GMCL1: variants seen among roughly 807,000 people sequenced by gnomAD.
GMCL1 encodes the protein germ cell-less protein-like 1.
GMCL1 carries 54 observed loss-of-function variants against 75.5 expected under a neutral mutation model. The ratio of observed to expected loss-of-function variants is 0.71; its 90% CI spans 0.57 to 0.90. The LOEUF is 0.90. GMCL1 is among the 40% of genes least tolerant of loss of function. The pLI is 0.00. For synonymous variants in GMCL1, 210 were observed against 209.6 expected (o/e 1.00, Z -0.02); for missense variants, 537 against 622.7 (o/e 0.86, Z 1.47).
At chr2:69,857,786 T>C (rs1359984312) in intron 9 of GMCL1, among the ~76,000 whole-genome samples, 1 of 152,210 alleles carries the variant, frequency 6.6e-6, no homozygotes, top group Admixed American at 6.5e-5. Flanking sequence ...TCATAAGTTG[T>C]TCAACTTGTA....
At chr2:69,851,482 C>T (rs561388376) in intron 8 of GMCL1, among the ~76,000 whole-genome samples, 93 of 152,104 alleles carry the variant, frequency 6.1e-4, no homozygotes, top group African/African-American at 2.1e-3. Flanking sequence ...TGGTGGTGGT[C>T]GCCTATAATC....
At chr2:69,864,590 C>CTTTTTTTTTTTTTTTTT (rs534389389) in intron 10 of GMCL1, among the ~76,000 whole-genome samples, 1 of 88,360 alleles carries the variant, frequency 1.1e-5, no homozygotes, top group Non-Finnish European at 2.2e-5. Context: ...TAGACTTTTA[C>CTTTTTTTTTTTTTTTTT]TTTTTTTTTT....
intron 4 of GMCL1, among the ~76,000 whole-genome samples, 180 bp downstream of exon 4, chr2:69,841,219 C>A (rs1484379273): frequency 1.3e-5 from 2 of 152,040 alleles, no homozygotes; most frequent in African/African-American, 4.8e-5. Flanking sequence ...TTTATTACAA[C>A]CGAGGGAGTC....
At chr2:69,863,879 T>C (rs1392368752) in intron 10 of GMCL1, among the ~76,000 whole-genome samples, 1 of 152,170 alleles carries the variant, frequency 6.6e-6, no homozygotes, top group Non-Finnish European at 1.5e-5. Flanking sequence ...TTTTCTGTTA[T>C]GCTCCAGTTC....
intron 8 of GMCL1, among the ~76,000 whole-genome samples, chr2:69,853,907 A>G (rs898348862): frequency 1.3e-5 from 2 of 151,778 alleles, no homozygotes; most frequent in Non-Finnish European, 2.9e-5. Flanking sequence ...GGTTTAAGCA[A>G]TTCTCTGCCT....
chr2:69,841,510 A>G (rs13020991), intron 4 of GMCL1, among the ~76,000 whole-genome samples: 34,877 of 152,136 alleles, frequency 0.23, 4,344 homozygotes, highest in East Asian at 0.39. Flanking sequence ...ATTGAAGAGA[A>G]GTGTGTTGAG....
At chr2:69,852,089 G>T (rs957851376) in intron 8 of GMCL1, among the ~76,000 whole-genome samples, 1 of 152,198 alleles carries the variant, frequency 6.6e-6, no homozygotes, top group East Asian at 1.9e-4. Context: ...TTAAATAGAA[G>T]AGAGAGAAAA....
intron 1 of GMCL1, among the ~76,000 whole-genome samples, chr2:69,835,420 G>A (rs1253057943): frequency 1.3e-5 from 2 of 151,632 alleles, no homozygotes; most frequent in Middle Eastern, 3.2e-3. Context: ...TCCAGGGGTG[G>A]AGGGAGTCTC....
At chr2:69,833,352 C>T (rs557976205) in intron 1 of GMCL1, among the ~76,000 whole-genome samples, 2 of 152,268 alleles carry the variant, frequency 1.3e-5, no homozygotes, top group African/African-American at 2.4e-5. Flanking sequence ...TGGTGGCTCA[C>T]GCCTGTAATC....
chr2:69,859,144 CAA>C (rs571712437), intron 9 of GMCL1, among the ~76,000 whole-genome samples: 12 of 62,646 alleles, frequency 1.9e-4, no homozygotes, highest in African/African-American at 1.8e-4. Flanking sequence ...GACTCTGTCT[CAA>C]AAAAAAAAAA....
intron 10 of GMCL1, among the ~76,000 whole-genome samples, chr2:69,863,786 C>T (rs1211861221): frequency 2.0e-5 from 3 of 152,194 alleles, no homozygotes; most frequent in Admixed American, 6.5e-5. Context: ...AGCTTCCTCT[C>T]CTTTCATGTT....
intron 10 of GMCL1, 60 bp from the exon 11 acceptor site, chr2:69,864,840 C>A (rs1414511452): frequency 2.7e-6 from 3 of 1,119,896 alleles, no homozygotes; most frequent in African/African-American, 3.2e-5. Flanking sequence ...ACTCATAGTT[C>A]TTTTTTAATT....
In GMCL1 at chr2:69,869,983, T is replaced by C. The variant is rs537186019; in HGVS notation, c.1364+119T>C. The C allele has an allele frequency of 1.7e-5, 16 of 950,864 alleles. No individual in the cohort carries two copies. In the East Asian group the frequency reaches 3.2e-4, roughly 19 times the overall value. The allele number at this position is 950,864 out of a possible 1,614,324, so 58.9% of individuals were successfully genotyped here. On this transcript the variant is annotated intron_variant, in intron 12 of 13. Transcript: ENST00000282570. ...TGGTAAGCTACAGTATATGTGGAAG[T>C]GGTAGGAAATGACGAGGCTCCATTC...
chr2:69,847,043 G>A (rs1573351458), intron 6 of GMCL1, among the ~76,000 whole-genome samples: 4 of 128,150 alleles, frequency 3.1e-5, no homozygotes, highest in Admixed American at 2.7e-4. Context: ...TCACCATGTT[G>A]TCCAGGCTGG....
chr2:69,842,829 A>G (rs917116225), intron 4 of GMCL1: 2 of 166,284 alleles, frequency 1.2e-5, no homozygotes, highest in Admixed American at 6.3e-5. Flanking sequence ...AAATGCTGCT[A>G]AAGAAATTTG....
chr2:69,861,224 C>T (rs1371010213), intron 9 of GMCL1, 54 bp from the exon 10 acceptor site: 1 of 1,236,514 alleles, frequency 8.1e-7, no homozygotes, highest in South Asian at 1.3e-5. Context: ...ATGTTTAAAT[C>T]CTTTATGTTC....
chr2:69,841,128 T>A, intron 4 of GMCL1, 89 bp downstream of exon 4: 1 of 649,326 alleles, frequency 1.5e-6, no homozygotes, highest in Non-Finnish European at 2.3e-6. Flanking sequence ...AAGCTTAGCT[T>A]TTTTGGAGTT....
chr2:69,866,064 C>T (rs1675807842), intron 11 of GMCL1, among the ~76,000 whole-genome samples: 1 of 152,146 alleles, frequency 6.6e-6, no homozygotes. Flanking sequence ...TCCTGGCTAA[C>T]ATGGTGAAAC....
intron 7 of GMCL1, among the ~76,000 whole-genome samples, 196 bp from the exon 8 acceptor site, chr2:69,849,456 C>T (rs565402878): frequency 6.6e-6 from 1 of 152,304 alleles, no homozygotes; most frequent in Admixed American, 6.5e-5. Context: ...TGAGCCACAG[C>T]ACCCAGCCAT....
Sources: allele counts gnomAD v4.1 joint callset (sites outside exome capture counted in the v4.1 genomes callset), GRCh38; gene constraint gnomAD v4.1.1; transcripts MANE v1.5; gene names NCBI Gene and HGNC (gene_info 2026-07-23, HGNC 2026-07-21).